The following PLEK variants were observed in gnomAD, a reference collection of about 807,000 sequenced individuals.
The protein encoded by PLEK is platelet 47 kDa protein.
Under a neutral mutation model 43.9 loss-of-function variants are expected in PLEK, and 25 were observed. That is an observed-to-expected ratio of 0.57 (90% CI 0.41 to 0.79). The LOEUF (loss-of-function observed/expected upper bound fraction) is 0.79. Ranked by LOEUF, PLEK falls within the 30% of genes least tolerant of loss-of-function variation. PLEK has a pLI of 0.00. For synonymous variants in PLEK, 152 were observed against 144.4 expected, an observed-to-expected ratio of 1.05 and a Z score of -0.38; for missense variants, 396 against 413.3, an observed-to-expected ratio of 0.96 and a Z score of 0.36.
Position 68,365,365 on chromosome 2 carries a change from G to C in PLEK, c.14G>C (p.Arg5Pro). ...TGTCCAGCCAGCATGGAACCAAAGC[G>C]GATCAGAGAGGGCTACCTTGTGAAG... MEPKRIREGYLVKKG... is the reference protein window; with the variant it reads MEPKPIREGYLVKKG... Residue 5 changes from arginine (R) to proline (P), a missense_variant, in exon 1 of 9, where the codon CGG (arginine) becomes CCG (proline). Coordinates refer to ENST00000234313, the MANE Select transcript of PLEK (RefSeq NM_002664.3). The C allele has an allele frequency of 6.2e-7, 1 of 1,613,836 alleles. No homozygotes were observed. Among genetic ancestry groups the C allele is most frequent in the Non-Finnish European group, 8.5e-7 (1 of 1,179,756 alleles).
chr2:68,379,480 A>T (rs772117407), intron 1 of PLEK, among the ~76,000 whole-genome samples: 2 of 152,214 alleles, frequency 1.3e-5, no homozygotes, highest in Non-Finnish European at 2.9e-5. Context: ...CAAAATAGGC[A>T]ATTAAACATG....
rs377532169 is a variant in PLEK at position 68,388,431 on chromosome 2, T to A, written c.702T>A (p.Asp234Glu). 6.2e-7 allele frequency: 1 copy of A among 1,612,272 alleles called. No homozygotes were observed. Among genetic ancestry groups the A allele is most frequent in the African/African-American group, 1.3e-5 (1 of 74,888 alleles). Reference sequence around the variant, plus strand: ...GTGAAGAGAATTCCAGTGATGATGATGTGATTCTGAAAGAAGAATTCAGAG... The same window carrying A: ...GTGAAGAGAATTCCAGTGATGATGAAGTGATTCTGAAAGAAGAATTCAGAG... Reference protein sequence around the residue: ...FFCEENSSDDDVILKEEFRGV... With the variant: ...FFCEENSSDDEVILKEEFRGV... Residue 234 changes from aspartate (D) to glutamate (E), a missense_variant, in exon 6 of 9, where the codon GAT becomes GAA. Transcript: ENST00000234313.
In PLEK at chr2:68,382,675, C is replaced by T. The variant is rs367833539; in HGVS notation, c.472+42C>T. ...GCCTGAAATAGGGCGACTGGGAAGG[C>T]GATATGGAGTCCTCCTTCGGCCTCG... On this transcript the variant is annotated intron_variant, in intron 4 of 8. Transcript: ENST00000234313. The T allele has an allele frequency of 2.7e-5, 30 of 1,108,860 alleles. No individual in the cohort carries two copies. In the African/African-American group the frequency reaches 3.1e-4, roughly 11 times the overall value. The allele number at this position is 1,108,860 out of a possible 1,614,324, so 68.7% of individuals were successfully genotyped here. A position where few individuals can be genotyped will look rare whatever the true frequency, so the allele number is the denominator to read the frequency against.
chr2:68,395,569 A>T, intron 8 of PLEK, 111 bp from the exon 9 acceptor site: 1 of 1,138,274 alleles, frequency 8.8e-7, no homozygotes, highest in Non-Finnish European at 1.3e-6. Flanking sequence ...CCACATAGTC[A>T]ATTTCCTTAG....
chr2:68,369,413 CATG>C, intron 1 of PLEK, among the ~76,000 whole-genome samples: 1 of 151,936 alleles, frequency 6.6e-6, no homozygotes, highest in South Asian at 2.1e-4. Context: ...GCACTGTCAC[CATG>C]ATGAGGGGTA....
Position 68,389,312 on chromosome 2 carries a change from G to A in PLEK, c.762+821G>A, listed in dbSNP as rs1225792263. ...GCCAAGGCTGCTTTGCAGGACCAAG[G>A]TCTTGCCTTCCTGGCTGCACTGTGA... On this transcript the variant is annotated intron_variant, in intron 6 of 8. Transcript: ENST00000234313. 3.3e-5 allele frequency among the ~76,000 whole-genome samples: 5 copies of A among 152,230 alleles called. 1 individual carries two copies. Among genetic ancestry groups the A allele is most frequent in the African/African-American group, 9.6e-5 (4 of 41,460 alleles).
In PLEK at chr2:68,381,621, A is replaced by G. The variant is rs562997993; in HGVS notation, c.380+717A>G. ...GAGAAGAATCCCATGCCAGCTGCTT[A>G]AAATGTCCAACAAGAATTTTGTTTT... On this transcript the variant is annotated intron_variant, in intron 3 of 8. Transcript: ENST00000234313. Among the ~76,000 whole-genome samples the G allele has an allele frequency of 5.9e-4, 90 of 152,344 alleles. 2 individuals carry two copies. Among genetic ancestry groups the G allele is most frequent in the Admixed American group, 5.8e-3 (89 of 15,306 alleles).
chr2:68,386,535 A>G lies in PLEK; in HGVS notation c.506A>G (p.Gln169Arg). 6.2e-7 allele frequency: 1 copy of G among 1,613,926 alleles called. No homozygotes were observed. Among genetic ancestry groups the G allele is most frequent in the Non-Finnish European group, 8.5e-7 (1 of 1,179,858 alleles). The change falls in exon 5 of 9, where the codon CAG (glutamine) becomes CGG (arginine). Residue 169 changes from glutamine (Q) to arginine (R), a missense_variant. Transcript: ENST00000234313. ...GTCATTGATTGGCTGGTATCCAACC[A>G]GTCTGTTAGGAATCGCCAGGAAGGC... Reference protein sequence around the residue: ...NCVIDWLVSNQSVRNRQEGLM... With the variant: ...NCVIDWLVSNRSVRNRQEGLM...
chr2:68,378,140 A>G (rs1381466819), intron 1 of PLEK, among the ~76,000 whole-genome samples: 4 of 152,226 alleles, frequency 2.6e-5, no homozygotes, highest in Non-Finnish European at 4.4e-5. Context: ...TTATATATAC[A>G]TATTTTATAC....
chr2:68,370,723 T>G (rs1400939079), intron 1 of PLEK, among the ~76,000 whole-genome samples: 1 of 152,178 alleles, frequency 6.6e-6, no homozygotes, highest in Non-Finnish European at 1.5e-5. Flanking sequence ...TAACCTCAAG[T>G]GATCCACCCG....
At chr2:68,382,903 G>C (rs1206969137) in intron 4 of PLEK, among the ~76,000 whole-genome samples, 1 of 152,068 alleles carries the variant, frequency 6.6e-6, no homozygotes, top group Non-Finnish European at 1.5e-5. Flanking sequence ...CTCAATAAAT[G>C]GCATTATGTT....
intron 1 of PLEK, among the ~76,000 whole-genome samples, chr2:68,375,360 T>C (rs532573532): frequency 2.0e-4 from 30 of 152,356 alleles, no homozygotes; most frequent in Non-Finnish European, 3.8e-4. Flanking sequence ...TACTTTTTGC[T>C]CATTTAAAAA....
chr2:68,394,417 C>A (rs994097678), intron 8 of PLEK, among the ~76,000 whole-genome samples: 2 of 152,068 alleles, frequency 1.3e-5, no homozygotes, highest in African/African-American at 4.8e-5. Context: ...ACTAAAAATA[C>A]AAAAATTAGC....
At chr2:68,388,752 A>G (rs534026951) in intron 6 of PLEK, among the ~76,000 whole-genome samples, 1 of 151,928 alleles carries the variant, frequency 6.6e-6, no homozygotes, top group East Asian at 1.9e-4. Context: ...AAGGTGTTTC[A>G]AGAAAAATAT....
chr2:68,384,075 G>A (rs1369928789), intron 4 of PLEK, among the ~76,000 whole-genome samples: 1 of 152,150 alleles, frequency 6.6e-6, no homozygotes. Flanking sequence ...GTAGACTTGG[G>A]CACCCAATCC....
chr2:68,392,715 C>G (rs1305327829), intron 6 of PLEK, among the ~76,000 whole-genome samples: 2 of 152,204 alleles, frequency 1.3e-5, no homozygotes, highest in Non-Finnish European at 2.9e-5. Context: ...CTTTGATATC[C>G]AAAGCCCACA....
Position 68,380,421 on chromosome 2 carries a change from G to A in PLEK, c.136G>A (p.Gly46Arg). The A allele has an allele frequency of 6.2e-7, 1 of 1,613,954 alleles. No homozygotes were observed. Among genetic ancestry groups the A allele is most frequent in the Non-Finnish European group, 8.5e-7 (1 of 1,179,842 alleles). Reference sequence around the variant, plus strand: ...GAAGAAAAGTGACAACAGCCCCAAAGGAATGATCCCGCTGAAAGGGAGCAC... The same window carrying A: ...GAAGAAAAGTGACAACAGCCCCAAAAGAATGATCCCGCTGAAAGGGAGCAC... Reference protein sequence around the residue: ...YKKKSDNSPKGMIPLKGSTLT... With the variant: ...YKKKSDNSPKRMIPLKGSTLT... Residue 46 changes from glycine (G) to arginine (R), a missense_variant, in exon 2 of 9, where the codon GGA becomes AGA. By Grantham distance (125) the Gly-to-Arg change is moderately radical (BLOSUM62 -2). Coordinates refer to ENST00000234313, the MANE Select transcript of PLEK (RefSeq NM_002664.3).
intron 1 of PLEK, among the ~76,000 whole-genome samples, chr2:68,370,981 A>G (rs1673388111): frequency 6.6e-6 from 1 of 152,210 alleles, no homozygotes; most frequent in South Asian, 2.1e-4. Context: ...CATGTAGAAT[A>G]TATTTCAAAG....
In PLEK at chr2:68,394,369, C is replaced by T. The variant is rs564261410; in HGVS notation, c.916+193C>T. Among the ~76,000 whole-genome samples, 6 of 152,280 alleles carry T rather than the reference C, an allele frequency of 3.9e-5. No individual in the cohort carries two copies. In the South Asian group the frequency reaches 6.2e-4, roughly 16 times the overall value. On this transcript the variant is annotated intron_variant, in intron 8 of 8. Coordinates refer to ENST00000234313, the MANE Select transcript of PLEK (RefSeq NM_002664.3). ...GGCAGATCACTTGTGATCAGGATTTCGAGACCAGCCTGGCTAACGTGGTGA... is the reference window on the plus strand; with the variant it reads ...GGCAGATCACTTGTGATCAGGATTTTGAGACCAGCCTGGCTAACGTGGTGA...
Sources: gnomAD v4.1 joint callset for allele counts (sites outside exome capture counted in the v4.1 genomes callset) on GRCh38, gnomAD v4.1.1 for gene constraint, MANE v1.5 for transcripts, NCBI Gene and HGNC (gene_info 2026-07-23, HGNC 2026-07-21) for gene names.